The following NF1 variants were observed in gnomAD, a reference collection of about 807,000 sequenced individuals.
NF1 encodes neurofibromin.
A neutral mutation model predicts 325.7 loss-of-function variants in NF1; 122 were observed. The observed-to-expected ratio is 0.37, with a 90% CI of 0.32 to 0.44. The LOEUF is 0.44. NF1 is among the 20% of genes least tolerant of loss of function. The pLI, the probability that NF1 is intolerant of heterozygous loss-of-function variation, is 1.00. For missense variants in NF1, 2,140 were observed against 3,415.4 expected (o/e 0.63, Z 9.31); for synonymous variants, 1,091 against 1,186.0 (o/e 0.92, Z 1.65).
Position 31,337,585 on chromosome 17 carries a change from A to G in NF1, c.6642+3A>G, listed in dbSNP as rs1555534891. 5 of 1,612,724 alleles carry G rather than the reference A, an allele frequency of 3.1e-6. No homozygotes were observed. Among genetic ancestry groups the G allele is most frequent in the Non-Finnish European group, 4.2e-6 (5 of 1,179,174 alleles). On this transcript the variant is annotated splice_donor_region_variant and intron_variant, in intron 43 of 57. Transcript: ENST00000358273. The stretch of plus-strand genomic sequence containing the variant: ...AAGCTTTGTTGGAGATCATGGAGGT[A>G]TAGAAGCCAAAATGATAAGAAACTA...
rs886041347 is a variant in NF1, at chr17:31,229,061, C to T, written c.2446C>T (p.Arg816Ter). ...ESLHKTIVKR[R>*]MSHVSGGGSI... ...CCTTCACAAGACCATTGTTAAGAGG[C>T]GAATGTCCCATGTGAGTGGAGGAGG... The change falls in exon 21 of 58, where the codon CGA becomes TGA. Residue 816 changes from arginine (R) to a stop codon, truncating the protein, a stop_gained. Transcript: ENST00000358273. LOFTEE classifies it high-confidence loss of function. The T allele has an allele frequency of 1.2e-6, 2 of 1,611,484 alleles. No individual in the cohort carries two copies. Among genetic ancestry groups the T allele is most frequent in the South Asian group, 1.1e-5 (1 of 90,978 alleles).
At chr17:31,177,069 G>A (rs955261762) in intron 5 of NF1, among the ~76,000 whole-genome samples, 2 of 152,174 alleles carry the variant, frequency 1.3e-5, no homozygotes, top group African/African-American at 4.8e-5. Flanking sequence ...GATGGGGATA[G>A]CATTGAATCT....
Position 31,261,625 on chromosome 17 carries a change from GA to G in NF1, c.4578-82del, listed in dbSNP as rs2067687176. On this transcript the variant is annotated intron_variant, in intron 34 of 57. Coordinates refer to ENST00000358273, the MANE Select transcript of NF1 (RefSeq NM_001042492.3). ...TTTACAAATCAGCTGACAGTAAAAGGAAAAGCAACCAGTTACAAGTTAAAGA... is the reference window on the plus strand; with the variant it reads ...TTTACAAATCAGCTGACAGTAAAAGGAAAGCAACCAGTTACAAGTTAAAGA... 14 of 1,492,580 alleles carry G rather than the reference GA, an allele frequency of 9.4e-6. No homozygotes were observed. In the Admixed American group the frequency reaches 1.8e-4, roughly 20 times the overall value. The allele number at this position is 1,492,580 out of a possible 1,614,324, so 92.5% of individuals were successfully genotyped here. A position where few individuals can be genotyped will look rare whatever the true frequency, so the allele number is the denominator to read the frequency against.
intron 36 of NF1, among the ~76,000 whole-genome samples, chr17:31,285,249 C>G (rs1297953393): frequency 6.9e-6 from 1 of 144,088 alleles, no homozygotes; most frequent in Non-Finnish European, 1.5e-5. Context: ...TGCACTCCAA[C>G]CTGGGCAAGA....
At chr17:31,351,485 C>T (rs990595157) in intron 50 of NF1, among the ~76,000 whole-genome samples, 6 of 152,072 alleles carry the variant, frequency 3.9e-5, no homozygotes, top group Non-Finnish European at 8.8e-5. Context: ...AACACAATCT[C>T]GGCTCACTAC....
chr17:31,358,644 A>T (rs2151585244), intron 55 of NF1, 22 bp downstream of exon 55: 4 of 1,612,932 alleles, frequency 2.5e-6, no homozygotes, highest in Non-Finnish European at 3.4e-6. Flanking sequence ...TATCTGGAGA[A>T]GGATGGTTGA....
In NF1 at chr17:31,375,650, G is replaced by A. The variant is rs2070721526; in HGVS notation, c.*1495G>A. The A allele has an allele frequency of 4.3e-6, 1 of 232,698 alleles. No individual in the cohort carries two copies. The highest frequency in any genetic ancestry group is 1.8e-4 in the South Asian group (1 of 5,526). 14.4% of individuals were successfully genotyped at this position (232,698 alleles called of 1,614,324 possible). ...TGAGGGGGGAAAAAATAAACCTAGG[G>A]GAGAGGGGAGTTTCCTGTAGTGCTG... On this transcript the variant is annotated 3_prime_UTR_variant, in exon 58 of 58. Coordinates refer to ENST00000358273, the MANE Select transcript of NF1 (RefSeq NM_001042492.3).
chr17:31,183,659 A>G (rs2066178761), intron 8 of NF1, among the ~76,000 whole-genome samples: 1 of 152,170 alleles, frequency 6.6e-6, no homozygotes, highest in Admixed American at 6.5e-5. Flanking sequence ...GTATCTGTGA[A>G]GTTGTTGCCA....
At chr17:31,136,166 T>C (rs1334319223) in intron 1 of NF1, 3 of 151,746 alleles carry the variant, frequency 2.0e-5, no homozygotes, top group African/African-American at 7.3e-5. Context: ...CCATCTCTAC[T>C]AAAAATACAA....
chr17:31,300,447 T>C (rs1262538298), intron 36 of NF1, among the ~76,000 whole-genome samples: 3 of 152,114 alleles, frequency 2.0e-5, no homozygotes, highest in African/African-American at 7.2e-5. Context: ...TCTTACTGTA[T>C]CTTGAGTATC....
chr17:31,228,413 A>G (rs2067052871), intron 20 of NF1, among the ~76,000 whole-genome samples: 1 of 152,192 alleles, frequency 6.6e-6, no homozygotes, highest in African/African-American at 2.4e-5. Flanking sequence ...GTAGCTTTAG[A>G]ATGAAAGCTT....
intron 35 of NF1, among the ~76,000 whole-genome samples, chr17:31,262,823 A>C (rs1357888431): frequency 6.6e-6 from 1 of 152,146 alleles, no homozygotes; most frequent in Admixed American, 6.6e-5. Flanking sequence ...CTATGTAATT[A>C]AGGGCATATT....
In NF1 at chr17:31,338,069, T is replaced by C. The variant is rs1567617869; in HGVS notation, c.6749T>C (p.Val2250Ala). The change falls in exon 45 of 58, where the codon GTT becomes GCT. Residue 2250 changes from valine to alanine, a missense_variant. Around this residue, in one of 10 missense-constraint regions of NF1, gnomAD observed 522 missense variants for 749.0 expected, o/e 0.70. Coordinates refer to ENST00000358273, the MANE Select transcript of NF1 (RefSeq NM_001042492.3). ...CCATCCCTGCAACCAAGAGCTCTTG[T>C]TGTCTTTGGGTGTATTAGCAAACGA... is the stretch of plus-strand genomic sequence containing the variant. ...YNPSLQPRAL[V>A]VFGCISKRVS... 1 of 1,613,920 alleles carries C rather than the reference T, an allele frequency of 6.2e-7. No homozygotes were observed. The highest frequency in any genetic ancestry group is 8.5e-7 in the Non-Finnish European group (1 of 1,179,848).
intron 29 of NF1, among the ~76,000 whole-genome samples, chr17:31,238,469 TCA>T (rs1280147392): frequency 2.6e-5 from 4 of 152,128 alleles, no homozygotes; most frequent in Non-Finnish European, 4.4e-5. Flanking sequence ...GCCTGGTGGC[TCA>T]CATCTGTAAT....
Position 31,346,240 on chromosome 17 carries a change from T to C in NF1, c.7190-2880T>C, listed in dbSNP as rs1250374239. ...AGATGTGGTCATTCATTCAGTAGTG[T>C]GTGTAGTATTGGTGCTGTGTCCAAA... On this transcript the variant is annotated intron_variant, in intron 48 of 57. Coordinates refer to ENST00000358273, the MANE Select transcript of NF1 (RefSeq NM_001042492.3). 4.4e-6 allele frequency: 7 copies of C among 1,607,340 alleles called. No homozygotes were observed. In the East Asian group the frequency reaches 1.6e-4, roughly 36 times the overall value.
At chr17:31,182,179 T>C (rs1015369855) in intron 7 of NF1, among the ~76,000 whole-genome samples, 2 of 152,230 alleles carry the variant, frequency 1.3e-5, no homozygotes, top group African/African-American at 4.8e-5. Flanking sequence ...TGGAGAACTT[T>C]GGTAATTCTT....
At chr17:31,222,010 T>C (rs2066932311) in intron 15 of NF1, 81 bp downstream of exon 15, 1 of 1,392,742 alleles carries the variant, frequency 7.2e-7, no homozygotes, top group Non-Finnish European at 9.4e-7. Context: ...TCTGTAGTAC[T>C]TAGTACATTG....
chr17:31,104,006 C>G (rs1780636609), intron 1 of NF1, among the ~76,000 whole-genome samples: 1 of 151,968 alleles, frequency 6.6e-6, no homozygotes, highest in African/African-American at 2.4e-5. Context: ...GGGTGAGACC[C>G]TGTCTCAAAA....
intron 51 of NF1, among the ~76,000 whole-genome samples, chr17:31,352,620 G>A (rs79570684): frequency 1.3e-5 from 2 of 152,084 alleles, no homozygotes; most frequent in African/African-American, 4.8e-5. Context: ...CCTTGAAACA[G>A]TTTTTTCTGA....
Sources: allele counts gnomAD v4.1 joint callset (sites outside exome capture counted in the v4.1 genomes callset), GRCh38; gene constraint gnomAD v4.1.1; regional missense constraint gnomAD v4.1.1; transcripts MANE v1.5; gene names NCBI Gene and HGNC (gene_info 2026-07-23, HGNC 2026-07-21).